Variants in TMEM232 observed in about 807,000 individuals in gnomAD.
TMEM232 encodes the protein transmembrane protein 232.
TMEM232 carries 80 observed loss-of-function variants against 78.8 expected under a neutral mutation model. The observed-to-expected ratio is 1.01, with a 90% CI of 0.85 to 1.22. The LOEUF is 1.22. Among genes scored for constraint, TMEM232 ranks in the 50% most tolerant of loss-of-function variants. The probability of loss-of-function intolerance (pLI) is 0.00; values close to 1 mark genes in which losing one functional copy is unlikely to be tolerated. For missense variants in TMEM232, 881 were observed against 742.2 expected (o/e 1.19, Z -2.17); for synonymous variants, 297 against 254.3 (o/e 1.17, Z -1.60).
chr5:110,590,286 G>A (rs951077035), intron 10 of TMEM232, among the ~76,000 whole-genome samples: 11 of 152,000 alleles, frequency 7.2e-5, no homozygotes, highest in South Asian at 2.1e-4. Flanking sequence ...GATTCTTCAA[G>A]TTCTACTCCT....
At chr5:110,598,324 C>A (rs532699906) in intron 10 of TMEM232, among the ~76,000 whole-genome samples, 2 of 152,152 alleles carry the variant, frequency 1.3e-5, no homozygotes, top group Non-Finnish European at 2.9e-5. Context: ...CCATCTCACA[C>A]CAGTTAGAAT....
chr5:110,452,956 G>A (rs927608309), intron 12 of TMEM232, among the ~76,000 whole-genome samples: 4 of 152,150 alleles, frequency 2.6e-5, no homozygotes, highest in African/African-American at 4.8e-5. Flanking sequence ...TTAACAGAAC[G>A]CTTCTGATTG....
intron 1 of TMEM232, among the ~76,000 whole-genome samples, chr5:110,718,170 T>C (rs1250216592): frequency 6.6e-6 from 1 of 152,138 alleles, no homozygotes; most frequent in African/African-American, 2.4e-5. Flanking sequence ...AATATGTTTA[T>C]GTATTTGATT....
chr5:110,620,691 C>T (rs991845168), intron 7 of TMEM232, among the ~76,000 whole-genome samples: 5 of 145,176 alleles, frequency 3.4e-5, no homozygotes, highest in Non-Finnish European at 6.0e-5. Context: ...CTCCCTCTCT[C>T]GGCAACAAGT....
intron 1 of TMEM232, among the ~76,000 whole-genome samples, chr5:110,693,972 C>T (rs1391575699): frequency 3.3e-5 from 5 of 151,954 alleles, no homozygotes; most frequent in East Asian, 1.9e-4. Flanking sequence ...AGATACTCCT[C>T]GAGAAGAGCA....
rs922066132 is a variant in TMEM232, at chr5:110,568,766, T to A, written c.1277-141A>T. On this transcript the variant is annotated intron_variant, in intron 10 of 13. Transcript: ENST00000455884. ...TGAAATTCTAAGCTGTGGAAATTTC[T>A]GACCCTTCACTGCTTTCTCTCCTTT... The A allele has an allele frequency of 7.2e-6, 6 of 832,652 alleles. No homozygotes were observed. In the South Asian group the frequency reaches 1.3e-4, roughly 17 times the overall value. 51.6% of individuals were successfully genotyped at this position (832,652 alleles called of 1,614,324 possible).
chr5:110,390,452 C>A (rs1248219818), exon 4 of TMEM232: 1 of 152,196 alleles, frequency 6.6e-6, no homozygotes, highest in African/African-American at 2.4e-5. Context: ...AAAATCAGAT[C>A]TTTTACATGG....
At chr5:110,661,781 T>G (rs1243023856) in intron 2 of TMEM232, among the ~76,000 whole-genome samples, 1 of 152,174 alleles carries the variant, frequency 6.6e-6, no homozygotes. Flanking sequence ...GTAGGAGCAT[T>G]CCTCTTTCTC....
At chr5:110,514,102 T>C (rs1768216744) in intron 12 of TMEM232, among the ~76,000 whole-genome samples, 1 of 152,196 alleles carries the variant, frequency 6.6e-6, no homozygotes, top group Admixed American at 6.5e-5. Context: ...TTCAATGTTC[T>C]TTATTTCTGT....
At chr5:110,641,032 T>A in intron 3 of TMEM232, 36 bp from the exon 4 acceptor site, 1 of 1,298,124 alleles carries the variant, frequency 7.7e-7, no homozygotes, top group South Asian at 1.7e-5. Flanking sequence ...CAAATCAAAA[T>A]GTACATATTT....
intron 11 of TMEM232, among the ~76,000 whole-genome samples, chr5:110,554,188 C>T (rs541512100): frequency 4.6e-5 from 7 of 152,222 alleles, no homozygotes; most frequent in African/African-American, 1.7e-4. Flanking sequence ...GAAAGGCAGA[C>T]CCACCCTTAA....
At chr5:110,391,320 T>TGAGA (rs1433740681) in intron 3 of TMEM232, among the ~76,000 whole-genome samples, 1 of 139,356 alleles carries the variant, frequency 7.2e-6, no homozygotes, top group African/African-American at 3.0e-5. Flanking sequence ...TGTGTGTGTG[T>TGAGA]GTGTGTGAGA....
At chr5:110,593,677 C>G (rs1398453642) in intron 10 of TMEM232, among the ~76,000 whole-genome samples, 1 of 151,846 alleles carries the variant, frequency 6.6e-6, no homozygotes, top group Non-Finnish European at 1.5e-5. Context: ...CTTGAAAGGG[C>G]AATAGGGTGA....
chr5:110,482,115 A>G (rs2149397903), intron 12 of TMEM232, among the ~76,000 whole-genome samples: 1 of 152,262 alleles, frequency 6.6e-6, no homozygotes, highest in South Asian at 2.1e-4. Context: ...CTAGAAGTAA[A>G]ATTAATAGAA....
intron 2 of TMEM232, among the ~76,000 whole-genome samples, chr5:110,412,399 G>A (rs1045440611): frequency 5.3e-5 from 8 of 152,000 alleles, no homozygotes; most frequent in African/African-American, 1.7e-4. Context: ...GAAAATCATT[G>A]AAACACCTGA....
At chr5:110,475,684 A>G (rs1174832642) in intron 12 of TMEM232, among the ~76,000 whole-genome samples, 2 of 151,854 alleles carry the variant, frequency 1.3e-5, no homozygotes, top group Non-Finnish European at 1.5e-5. Flanking sequence ...GTTTGTTTGC[A>G]AGGTAGTAGA....
chr5:110,687,483 T>A (rs1303694993), intron 1 of TMEM232, among the ~76,000 whole-genome samples: 1 of 152,114 alleles, frequency 6.6e-6, no homozygotes, highest in Non-Finnish European at 1.5e-5. Flanking sequence ...ATCATTTCAC[T>A]CTTCTACCAG....
chr5:110,620,219 T>C (rs189901615), intron 7 of TMEM232, among the ~76,000 whole-genome samples: 2 of 152,296 alleles, frequency 1.3e-5, no homozygotes, highest in African/African-American at 4.8e-5. Context: ...TGTCTGGGAT[T>C]GATTTGACAT....
At chr5:110,521,624 G>A (rs1459097881) in intron 12 of TMEM232, among the ~76,000 whole-genome samples, 2 of 152,132 alleles carry the variant, frequency 1.3e-5, no homozygotes, top group Non-Finnish European at 2.9e-5. Flanking sequence ...ATTTGGATCT[G>A]CTTTTTGTGC....
Sources: gnomAD v4.1 joint callset for allele counts (sites outside exome capture counted in the v4.1 genomes callset) on GRCh38, gnomAD v4.1.1 for gene constraint, MANE v1.5 for transcripts, NCBI Gene and HGNC (gene_info 2026-07-23, HGNC 2026-07-21) for gene names.